The following MAD1L1 variants were observed in gnomAD, a reference collection of about 807,000 sequenced individuals.
MAD1L1 encodes the protein mitotic spindle assembly checkpoint protein MAD1.
In MAD1L1, 95 loss-of-function variants were observed where a neutral mutation model predicts 96.9. That is an observed-to-expected ratio of 0.98 (90% CI 0.83 to 1.16). The LOEUF (loss-of-function observed/expected upper bound fraction) is 1.16, where lower values mean the gene tolerates loss of function less well. Ranked by LOEUF, MAD1L1 falls within the 50% of genes most tolerant of loss-of-function variation. The pLI, the probability that MAD1L1 is intolerant of heterozygous loss-of-function variation, is 0.00. For missense variants in MAD1L1, 1,007 were observed against 954.4 expected (o/e 1.06, Z -0.73); for synonymous variants, 473 against 396.6 (o/e 1.19, Z -2.29).
intron 16 of MAD1L1, among the ~76,000 whole-genome samples, 197 bp downstream of exon 16, chr7:1,957,432 C>T (rs911334134): frequency 6.6e-6 from 1 of 152,242 alleles, no homozygotes; most frequent in Non-Finnish European, 1.5e-5. Context: ...GCAGAGGACT[C>T]CAGAGGCAGC....
chr7:1,908,180 G>A (rs1434558392), intron 17 of MAD1L1, among the ~76,000 whole-genome samples: 1 of 152,248 alleles, frequency 6.6e-6, no homozygotes, highest in Non-Finnish European at 1.5e-5. Context: ...TGCTGCAGCT[G>A]GAACTGGGGA....
chr7:1,867,404 G>A lies in MAD1L1; in HGVS notation c.1998+30796C>T, dbSNP rs538612169. Among the ~76,000 whole-genome samples the A allele has an allele frequency of 6.7e-4, 102 of 152,352 alleles. 1 individual carries two copies. The highest frequency in any genetic ancestry group is 2.2e-4 in the Non-Finnish European group (15 of 68,026). ...AGCATGGAAGGCGGCACTGCAGCCT[G>A]AGCTCCAGGTCTGGATGAGGCGGTG... is the stretch of plus-strand genomic sequence containing the variant. On this transcript the variant is annotated intron_variant, in intron 18 of 18. Transcript: ENST00000265854.
At chr7:1,950,058 G>T (rs547762311) in intron 16 of MAD1L1, among the ~76,000 whole-genome samples, 2 of 150,570 alleles carry the variant, frequency 1.3e-5, no homozygotes, top group East Asian at 2.0e-4. Context: ...CTCTACTTGA[G>T]GGGACAGCAG....
intron 17 of MAD1L1, among the ~76,000 whole-genome samples, chr7:1,901,888 C>T (rs375398114): frequency 1.7e-4 from 26 of 152,330 alleles, no homozygotes; most frequent in African/African-American, 5.5e-4. Context: ...CCTCGGGCCC[C>T]TCCTCCACAC....
At chr7:2,066,197 A>G (rs1452776629) in intron 12 of MAD1L1, among the ~76,000 whole-genome samples, 1 of 152,218 alleles carries the variant, frequency 6.6e-6, no homozygotes, top group Non-Finnish European at 1.5e-5. Flanking sequence ...AGAGGCCCAG[A>G]GCCCCCACCA....
At chr7:1,887,863 G>GTGTGTATGTGGCTGCCTGTGCA in intron 18 of MAD1L1, among the ~76,000 whole-genome samples, 1 of 148,576 alleles carries the variant, frequency 6.7e-6, no homozygotes, top group Non-Finnish European at 1.5e-5. Flanking sequence ...GTGTGTGCAC[G>GTGTGTATGTGGCTGCCTGTGCA]TGTGTGTGCA....
intron 14 of MAD1L1, among the ~76,000 whole-genome samples, chr7:2,000,280 C>G (rs769165914): frequency 6.6e-6 from 1 of 151,988 alleles, no homozygotes; most frequent in Non-Finnish European, 1.5e-5. Context: ...CGCCTCCGCA[C>G]GCCATTGCAG....
intron 12 of MAD1L1, among the ~76,000 whole-genome samples, chr7:2,036,542 T>C (rs1783445166): frequency 2.0e-5 from 3 of 152,146 alleles, no homozygotes; most frequent in African/African-American, 4.8e-5. Flanking sequence ...CAAAGGCCAA[T>C]ATATCAAAAT....
intron 12 of MAD1L1, among the ~76,000 whole-genome samples, chr7:2,046,041 C>T (rs963890370): frequency 2.0e-5 from 3 of 152,144 alleles, no homozygotes; most frequent in Non-Finnish European, 4.4e-5. Context: ...GGAAGACCAG[C>T]TGAGTGCTGC....
Position 2,106,210 on chromosome 7 carries a change from G to A in MAD1L1, c.1074-36872C>T, listed in dbSNP as rs1014358089. On this transcript the variant is annotated intron_variant, in intron 11 of 18. Coordinates refer to ENST00000265854, the MANE Select transcript of MAD1L1 (RefSeq NM_001013836.2). ...ATTGGGCCCTTAGTGCTGGCACATC[G>A]GCAGCACCCCTCCACTGCGTCGGTG... Among the ~76,000 whole-genome samples, 6 of 151,578 alleles carry A rather than the reference G, an allele frequency of 4.0e-5. No individual in the cohort carries two copies. The East Asian group carries it at 5.8e-4, about 15-fold the overall frequency.
At chr7:2,158,839 T>C (rs1354811362) in intron 10 of MAD1L1, among the ~76,000 whole-genome samples, 2 of 149,678 alleles carry the variant, frequency 1.3e-5, no homozygotes, top group African/African-American at 5.1e-5. Flanking sequence ...GGTCAGGTTC[T>C]GCAGGAGCCA....
At chr7:1,938,769 C>G (rs1365992821) in intron 16 of MAD1L1, among the ~76,000 whole-genome samples, 9 of 137,478 alleles carry the variant, frequency 6.5e-5, no homozygotes, top group Non-Finnish European at 1.3e-4. Flanking sequence ...CACACACACA[C>G]GCACGCACAC....
chr7:2,123,756 T>C (rs938591521), intron 11 of MAD1L1, among the ~76,000 whole-genome samples: 1 of 152,238 alleles, frequency 6.6e-6, no homozygotes, highest in African/African-American at 2.4e-5. Context: ...GGCGTGGTGC[T>C]GCAGGTGAGG....
chr7:1,959,824 G>A (rs772718242), intron 15 of MAD1L1, among the ~76,000 whole-genome samples: 5 of 151,760 alleles, frequency 3.3e-5, no homozygotes, highest in Non-Finnish European at 7.4e-5. Flanking sequence ...GGACGAGGGC[G>A]GGGCGGGGCA....
rs1271969822 is a variant in MAD1L1 at position 1,870,840 on chromosome 7, G to A, written c.1998+27360C>T. On this transcript the variant is annotated intron_variant, in intron 18 of 18. Transcript: ENST00000265854. ...CTGAACCGACCATAACACCTGCCAC[G>A]CTGAACCGACCATAACACCTGCCAC... Among the ~76,000 whole-genome samples the A allele has an allele frequency of 2.0e-5, 2 of 99,116 alleles. 1 individual carries two copies. The highest frequency in any genetic ancestry group is 3.8e-5 in the Non-Finnish European group (2 of 52,378). 65.0% of individuals were successfully genotyped at this position (99,116 alleles called of 152,430 possible).
At chr7:2,025,258 CA>C (rs1562617695) in intron 12 of MAD1L1, among the ~76,000 whole-genome samples, 1 of 152,014 alleles carries the variant, frequency 6.6e-6, no homozygotes, top group Admixed American at 6.5e-5. Context: ...CTTCTCCTGC[CA>C]AAAAGAGAAC....
chr7:2,144,376 G>A (rs1022380633), intron 11 of MAD1L1, among the ~76,000 whole-genome samples: 2 of 152,128 alleles, frequency 1.3e-5, no homozygotes, highest in Non-Finnish European at 2.9e-5. Context: ...GAGCCCTCAC[G>A]GGGTCCTGAG....
At chr7:2,102,602 C>T (rs115130433) in intron 11 of MAD1L1, among the ~76,000 whole-genome samples, 38 of 152,230 alleles carry the variant, frequency 2.5e-4, no homozygotes, top group African/African-American at 8.4e-4. Flanking sequence ...CTGTCACCAT[C>T]GGTGACACCA....
chr7:1,996,002 G>A (rs375595276), intron 14 of MAD1L1, among the ~76,000 whole-genome samples: 115 of 152,330 alleles, frequency 7.5e-4, no homozygotes, highest in East Asian at 5.6e-3. Context: ...GACAGATTCC[G>A]GGCTGGGCAC....
Sources: gnomAD v4.1 joint callset for allele counts (sites outside exome capture counted in the v4.1 genomes callset) on GRCh38, gnomAD v4.1.1 for gene constraint, MANE v1.5 for transcripts, NCBI Gene and HGNC (gene_info 2026-07-23, HGNC 2026-07-21) for gene names.